EPG5: variants seen among roughly 807,000 people sequenced by gnomAD.
EPG5 encodes ectopic P-granules 5 autophagy tethering factor.
EPG5 carries 159 observed loss-of-function variants against 302.7 expected under a neutral mutation model. That is an observed-to-expected ratio of 0.53 (90% confidence interval 0.46 to 0.60). The LOEUF (loss-of-function observed/expected upper bound fraction) is 0.60, where lower values mean the gene tolerates loss of function less well. Among genes scored for constraint, EPG5 ranks in the 20% least tolerant of loss-of-function variants. The probability of loss-of-function intolerance (pLI) is 0.00; values close to 1 mark genes in which losing one functional copy is unlikely to be tolerated. For synonymous variants in EPG5, 1,158 were observed against 1,136.8 expected (o/e 1.02, Z -0.37); for missense variants, 2,896 against 3,092.4 (o/e 0.94, Z 1.51).
intron 43 of EPG5, among the ~76,000 whole-genome samples, 199 bp from the exon 44 acceptor site, chr18:45,852,848 C>T (rs543451037): frequency 6.6e-6 from 1 of 152,338 alleles, no homozygotes; most frequent in East Asian, 1.9e-4. Flanking sequence ...CAGCCCAAGC[C>T]TCTGTGGCCT....
intron 25 of EPG5, among the ~76,000 whole-genome samples, chr18:45,901,786 C>A (rs937938195): frequency 6.6e-6 from 1 of 151,794 alleles, no homozygotes. Context: ...CACACACACA[C>A]ACACACACAC....
intron 27 of EPG5, among the ~76,000 whole-genome samples, chr18:45,892,429 T>A (rs1490654200): frequency 6.6e-6 from 1 of 152,240 alleles, no homozygotes; most frequent in African/African-American, 2.4e-5. Flanking sequence ...TTTAAAAGTT[T>A]CCTTGTCTAA....
chr18:45,966,094 T>C lies in EPG5; in HGVS notation c.63+1083A>G, dbSNP rs141372306. Among the ~76,000 whole-genome samples, 465 of 150,596 alleles carry C rather than the reference T, an allele frequency of 3.1e-3. 8 individuals are homozygous for C. The East Asian group carries it at 0.052, about 17-fold the overall frequency. ...AACAAAAACAAAACAAAACATAGGC[T>C]GGGCGCGGTGGCTCACGCCTGTAAT... On this transcript the variant is annotated intron_variant, in intron 1 of 43. Coordinates refer to ENST00000282041, the MANE Select transcript of EPG5 (RefSeq NM_020964.3).
chr18:45,838,595 G>T, the EPG5 span: 1 of 1,312,072 alleles, frequency 7.6e-7, no homozygotes, highest in Non-Finnish European at 1.0e-6. Flanking sequence ...TTGGGACGGG[G>T]GCAGCCTGGC....
chr18:45,873,270 G>A (rs767109778), intron 35 of EPG5, among the ~76,000 whole-genome samples: 1 of 152,200 alleles, frequency 6.6e-6, no homozygotes, highest in Non-Finnish European at 1.5e-5. Context: ...CCAGCACTTT[G>A]GGAGGCCAAG....
chr18:45,821,228 A>T, the EPG5 span, among the ~76,000 whole-genome samples: 1 of 152,222 alleles, frequency 6.6e-6, no homozygotes, highest in African/African-American at 2.4e-5. Flanking sequence ...ACCTGTAAAC[A>T]TGTGTTTCCT....
chr18:45,856,487 C>T (rs1356172244), intron 42 of EPG5, among the ~76,000 whole-genome samples: 3 of 152,180 alleles, frequency 2.0e-5, no homozygotes, highest in Non-Finnish European at 4.4e-5. Context: ...ATGGCTACAA[C>T]AACATTGTCA....
At chr18:45,842,927 G>A (rs1453264109), downstream of EPG5, 4 of 152,474 alleles carry the variant, frequency 2.6e-5, no homozygotes, top group Non-Finnish European at 4.4e-5. Flanking sequence ...ATCAAATCCT[G>A]GAAACTTGGT....
the EPG5 span, among the ~76,000 whole-genome samples, chr18:45,826,173 G>C: frequency 2.0e-5 from 3 of 152,168 alleles, no homozygotes; most frequent in African/African-American, 7.2e-5. Flanking sequence ...GAGGAAGAAG[G>C]GCGGGGAGTG....
intron 1 of EPG5, among the ~76,000 whole-genome samples, chr18:45,966,168 C>G (rs891874166): frequency 4.9e-4 from 74 of 151,276 alleles, no homozygotes; most frequent in African/African-American, 1.6e-3. Flanking sequence ...GTCAGGAGAT[C>G]GAGACCATCC....
At chr18:45,831,888 C>T in the EPG5 span, among the ~76,000 whole-genome samples, 2 of 152,188 alleles carry the variant, frequency 1.3e-5, no homozygotes, top group African/African-American at 2.4e-5. Flanking sequence ...TAGACGTGCA[C>T]CACTGCGCCC....
At chr18:45,949,687 T>C (rs925303749) in intron 4 of EPG5, 96 bp from the exon 5 acceptor site, 6 of 693,944 alleles carry the variant, frequency 8.6e-6, no homozygotes, top group African/African-American at 5.4e-5. Context: ...CTTCAATACA[T>C]GCAATCTTTC....
At chr18:45,830,752 ATTTTT>A in the EPG5 span, among the ~76,000 whole-genome samples, 24 of 118,124 alleles carry the variant, frequency 2.0e-4, no homozygotes, top group African/African-American at 6.4e-4. Flanking sequence ...TGCCAGGCTA[ATTTTT>A]TTTTTTTTTT....
At chr18:45,933,960 G>A (rs1164698132) in intron 11 of EPG5, among the ~76,000 whole-genome samples, 1 of 151,876 alleles carries the variant, frequency 6.6e-6, no homozygotes, top group African/African-American at 2.4e-5. Context: ...CTAATTAAAT[G>A]GTGTTTTTCA....
At chr18:45,809,662 C>T in the EPG5 span, among the ~76,000 whole-genome samples, 1 of 152,130 alleles carries the variant, frequency 6.6e-6, no homozygotes, top group Non-Finnish European at 1.5e-5. Context: ...TTAAAAAGTT[C>T]TTTGAACTAA....
chr18:45,881,376 T>C (rs1003814414), intron 31 of EPG5, among the ~76,000 whole-genome samples: 2 of 152,098 alleles, frequency 1.3e-5, no homozygotes, highest in African/African-American at 4.8e-5. Context: ...CTTCCACCAT[T>C]CTCCACCCAC....
chr18:45,829,061 TGGGCAGGGGGTGGGG>T, the EPG5 span: 1 of 980,026 alleles, frequency 1.0e-6, no homozygotes, highest in South Asian at 4.7e-5. Context: ...CTATGGAGGC[TGGGCAGGGGGTGGGG>T]GCACCAGCAG....
At chr18:45,853,889 C>G (rs554800882) in intron 43 of EPG5, among the ~76,000 whole-genome samples, 7 of 152,230 alleles carry the variant, frequency 4.6e-5, no homozygotes, top group African/African-American at 1.7e-4. Flanking sequence ...ATTTAGTCCC[C>G]CAAACAGTCT....
the EPG5 span, among the ~76,000 whole-genome samples, chr18:45,807,982 T>C: frequency 2.0e-5 from 3 of 152,090 alleles, no homozygotes; most frequent in Admixed American, 6.5e-5. Flanking sequence ...AAAAAAATGA[T>C]ACAAGAAGTG....
Sources: gnomAD v4.1 joint callset for allele counts (sites outside exome capture counted in the v4.1 genomes callset) on GRCh38, gnomAD v4.1.1 for gene constraint, MANE v1.5 for transcripts, NCBI Gene and HGNC (gene_info 2026-07-23, HGNC 2026-07-21) for gene names.